Variants in EIPR1 observed in about 807,000 individuals in gnomAD.
EIPR1 encodes the protein EARP and GARP complex-interacting protein 1.
In EIPR1, 25 loss-of-function variants were observed where a neutral mutation model predicts 48.1. The ratio of observed to expected loss-of-function variants is 0.52; its 90% confidence interval spans 0.38 to 0.73. The LOEUF (loss-of-function observed/expected upper bound fraction) is 0.73. Ranked by LOEUF, EIPR1 falls within the 30% of genes least tolerant of loss-of-function variation. EIPR1 has a pLI of 0.00. For synonymous variants in EIPR1, 204 were observed against 201.9 expected (o/e 1.01, Z -0.09); for missense variants, 415 against 506.2 (o/e 0.82, Z 1.73).
At position 3,189,639 on chromosome 2, in the gene EIPR1, G is replaced by T; in HGVS notation, c.990-131C>A. On this transcript the variant is annotated intron_variant, in intron 8 of 8. Coordinates refer to ENST00000382125, the MANE Select transcript of EIPR1 (RefSeq NM_003310.5). This position sits in a 1 kb window ranked among gnomAD's most constrained non-coding sequence, Gnocchi z 4.6. ...GGGGCCTCAGCTTTCTCCGCTGTGG[G>T]ATGGGAAGAATTAGAGGAGCCCACA... 1 of 880,230 alleles carries T rather than the reference G, an allele frequency of 1.1e-6. No individual in the cohort carries two copies. The highest frequency in any genetic ancestry group is 1.6e-6 in the Non-Finnish European group (1 of 621,522). 54.5% of individuals were successfully genotyped at this position (880,230 alleles called of 1,614,324 possible).
chr2:3,289,957 C>A (rs901055742), intron 3 of EIPR1, among the ~76,000 whole-genome samples: 1 of 152,248 alleles, frequency 6.6e-6, no homozygotes, highest in South Asian at 2.1e-4. Flanking sequence ...CTGCCACGGT[C>A]GCTCACAGAA....
chr2:3,203,244 G>C (rs1665111166), intron 5 of EIPR1, among the ~76,000 whole-genome samples: 1 of 152,244 alleles, frequency 6.6e-6, no homozygotes, highest in Non-Finnish European at 1.5e-5. Context: ...CGTACGTTGA[G>C]AGGGATTTCA....
intron 3 of EIPR1, among the ~76,000 whole-genome samples, chr2:3,277,185 C>T (rs1448728656): frequency 6.6e-6 from 1 of 152,020 alleles, no homozygotes; most frequent in African/African-American, 2.4e-5. Context: ...TCTCCACCCA[C>T]GCGGCCCCAC....
At chr2:3,288,583 G>A (rs1247197691) in intron 3 of EIPR1, among the ~76,000 whole-genome samples, 1 of 152,178 alleles carries the variant, frequency 6.6e-6, no homozygotes, top group African/African-American at 2.4e-5. Context: ...GGCCCTTACA[G>A]GGCAGATGCG....
At chr2:3,327,824 C>T (rs960056518) in intron 3 of EIPR1, among the ~76,000 whole-genome samples, 3 of 152,018 alleles carry the variant, frequency 2.0e-5, no homozygotes, top group Non-Finnish European at 4.4e-5. Context: ...ATACTCAACT[C>T]GTTTTGTTGT....
chr2:3,251,529 T>C (rs916626309), intron 4 of EIPR1, among the ~76,000 whole-genome samples: 2 of 152,068 alleles, frequency 1.3e-5, no homozygotes, highest in East Asian at 3.9e-4. Context: ...TTGCCCAAAG[T>C]TGGAACACTA....
chr2:3,346,101 CT>C (rs1670392738), intron 2 of EIPR1, among the ~76,000 whole-genome samples: 1 of 152,266 alleles, frequency 6.6e-6, no homozygotes, highest in African/African-American at 2.4e-5. Flanking sequence ...TGCCCACCCC[CT>C]ACACCCCACA....
At chr2:3,219,029 C>G (rs1233895020) in intron 4 of EIPR1, among the ~76,000 whole-genome samples, 5 of 151,616 alleles carry the variant, frequency 3.3e-5, no homozygotes, top group Non-Finnish European at 5.9e-5. Flanking sequence ...CTGGTATACT[C>G]TAGAGCATTC....
At chr2:3,335,169 C>T (rs908784366) in intron 3 of EIPR1, among the ~76,000 whole-genome samples, 1 of 152,108 alleles carries the variant, frequency 6.6e-6, no homozygotes, top group East Asian at 1.9e-4. Context: ...GACCCCAGGC[C>T]AGTGCGCTAC....
At chr2:3,277,858 C>T (rs1246806378) in intron 3 of EIPR1, among the ~76,000 whole-genome samples, 3 of 152,224 alleles carry the variant, frequency 2.0e-5, no homozygotes, top group African/African-American at 7.2e-5. Flanking sequence ...CATGAAAAGG[C>T]GTGTTTCACG....
chr2:3,329,371 C>CAGA (rs1669816683), intron 3 of EIPR1, among the ~76,000 whole-genome samples: 1 of 152,052 alleles, frequency 6.6e-6, no homozygotes. Context: ...GCCTGGGCTT[C>CAGA]CTTGGATCAG....
At chr2:3,377,233 G>T (rs1333354237) in intron 1 of EIPR1, 1 of 176,820 alleles carries the variant, frequency 5.7e-6, no homozygotes, top group Admixed American at 6.2e-5. Flanking sequence ...GGGTAAAGAA[G>T]AACTTTCTAT....
At chr2:3,281,321 G>A (rs528015470) in intron 3 of EIPR1, among the ~76,000 whole-genome samples, 1 of 152,250 alleles carries the variant, frequency 6.6e-6, no homozygotes, top group African/African-American at 2.4e-5. Flanking sequence ...CAGAAATCCA[G>A]TGAGCGTGCA....
At chr2:3,254,282 G>T (rs998007487) in intron 4 of EIPR1, among the ~76,000 whole-genome samples, 1 of 152,168 alleles carries the variant, frequency 6.6e-6, no homozygotes, top group African/African-American at 2.4e-5. Context: ...GAGCCCTCAC[G>T]CTCTGTCATG....
chr2:3,374,026 C>G (rs929308229), intron 1 of EIPR1, among the ~76,000 whole-genome samples: 4 of 142,578 alleles, frequency 2.8e-5, no homozygotes, highest in African/African-American at 1.0e-4. Context: ...GGTACCAAAA[C>G]AGAGATACAG....
intron 3 of EIPR1, among the ~76,000 whole-genome samples, chr2:3,299,205 C>G (rs1668687762): frequency 6.6e-6 from 1 of 152,216 alleles, no homozygotes; most frequent in Non-Finnish European, 1.5e-5. Context: ...GTCTGTCTCT[C>G]CACAGGGCCT....
At chr2:3,266,818 G>A (rs1004244372) in intron 3 of EIPR1, among the ~76,000 whole-genome samples, 13 of 152,256 alleles carry the variant, frequency 8.5e-5, no homozygotes, top group Non-Finnish European at 1.5e-5. Context: ...AAGACAGGCA[G>A]GCTGCTCAGC....
At chr2:3,271,552 G>A (rs1419067479) in intron 3 of EIPR1, among the ~76,000 whole-genome samples, 4 of 152,194 alleles carry the variant, frequency 2.6e-5, no homozygotes, top group Admixed American at 1.3e-4. Flanking sequence ...GAGCTCTTGG[G>A]TGACTAGGTG....
At chr2:3,361,578 G>A (rs766163535) in intron 1 of EIPR1, among the ~76,000 whole-genome samples, 1 of 152,086 alleles carries the variant, frequency 6.6e-6, no homozygotes, top group Admixed American at 6.5e-5. Flanking sequence ...CAGGCGAGGA[G>A]TGCTCTTCCA....
Sources: gnomAD v4.1 joint callset for allele counts (sites outside exome capture counted in the v4.1 genomes callset) on GRCh38, gnomAD v4.1.1 for gene constraint, Gnocchi (gnomAD v3.1) non-coding constraint, MANE v1.5 for transcripts, NCBI Gene and HGNC (gene_info 2026-07-23, HGNC 2026-07-21) for gene names.